ATP2B2: variants seen among roughly 807,000 people sequenced by gnomAD.
ATP2B2 encodes the protein ATPase plasma membrane Ca2+ transporting 2.
In ATP2B2, 15 loss-of-function variants were observed where a neutral mutation model predicts 120.0. That is an observed-to-expected ratio of 0.12 (90% confidence interval 0.08 to 0.19). ATP2B2 has a LOEUF of 0.19. Ranked by LOEUF, ATP2B2 falls within the 10% of genes least tolerant of loss-of-function variation. ATP2B2 has a pLI of 1.00. For synonymous variants in ATP2B2, 694 were observed against 700.3 expected (o/e 0.99, Z 0.14); for missense variants, 1,045 against 1,719.8 (o/e 0.61, Z 6.94).
At chr3:10,404,138 C>T (rs1055153963) in intron 3 of ATP2B2, among the ~76,000 whole-genome samples, 2 of 152,086 alleles carry the variant, frequency 1.3e-5, no homozygotes, top group African/African-American at 4.8e-5. Context: ...CTGCATGCAC[C>T]CCTGGAAAAT....
intron 3 of ATP2B2, among the ~76,000 whole-genome samples, chr3:10,407,450 T>A (rs1193197873): frequency 1.3e-5 from 2 of 152,220 alleles, no homozygotes; most frequent in Non-Finnish European, 2.9e-5. Flanking sequence ...CCTTCCTTCC[T>A]TCTGCTGACA....
chr3:10,370,292 G>A (rs917081670), intron 12 of ATP2B2, among the ~76,000 whole-genome samples: 4 of 152,264 alleles, frequency 2.6e-5, no homozygotes, highest in African/African-American at 4.8e-5. Context: ...CCACATGGCT[G>A]AAGCCCGTTC....
intron 2 of ATP2B2, among the ~76,000 whole-genome samples, chr3:10,436,779 A>C (rs1318342796): frequency 6.6e-6 from 1 of 152,184 alleles, no homozygotes; most frequent in Non-Finnish European, 1.5e-5. Context: ...CGACATCGGC[A>C]CACAGGCAGA....
At chr3:10,661,277 G>A (rs963482191) in intron 1 of ATP2B2, among the ~76,000 whole-genome samples, 4 of 152,092 alleles carry the variant, frequency 2.6e-5, no homozygotes, top group East Asian at 1.9e-4. Flanking sequence ...GAAATAAAGG[G>A]TATTCAATTA....
intron 3 of ATP2B2, among the ~76,000 whole-genome samples, chr3:10,514,193 C>T (rs1299024581): frequency 6.6e-6 from 1 of 152,182 alleles, no homozygotes; most frequent in Non-Finnish European, 1.5e-5. Flanking sequence ...CAGCTGGCTC[C>T]TTAGTCCCTG....
chr3:10,588,622 C>G (rs1037425690), intron 2 of ATP2B2, among the ~76,000 whole-genome samples: 2 of 152,178 alleles, frequency 1.3e-5, no homozygotes, highest in South Asian at 2.1e-4. Context: ...TGGAGGGAAG[C>G]ATGGATCTCT....
chr3:10,505,897 G>A (rs1216007560), upstream of ATP2B2, among the ~76,000 whole-genome samples: 1 of 152,040 alleles, frequency 6.6e-6, no homozygotes, highest in Non-Finnish European at 1.5e-5. Flanking sequence ...CCAGGAATAT[G>A]CCCGCTCCCC....
At position 10,388,273 on chromosome 3, in the gene ATP2B2, T is replaced by A; in HGVS notation, c.907+4A>T. On this transcript the variant is annotated splice_donor_region_variant and intron_variant, in intron 6 of 22. Transcript: ENST00000360273. The stretch of plus-strand genomic sequence containing the variant: ...CTCCTGGTCTGCAAGGGGATTAGGC[T>A]TACCTTTTTTGTCTTTCTTCTCTTC... 6.2e-7 allele frequency: 1 copy of A among 1,614,130 alleles called. No homozygotes were observed.
intron 2 of ATP2B2, among the ~76,000 whole-genome samples, chr3:10,415,131 C>G (rs575740349): frequency 3.3e-4 from 50 of 152,318 alleles, no homozygotes; most frequent in Non-Finnish European, 6.2e-4. Context: ...AATCCCAGCT[C>G]TGGGTGACCT....
intron 9 of ATP2B2, among the ~76,000 whole-genome samples, chr3:10,378,947 C>A (rs943909517): frequency 6.6e-6 from 1 of 152,228 alleles, no homozygotes; most frequent in African/African-American, 2.4e-5. Flanking sequence ...AGAGACTGAG[C>A]CAAACTCCCT....
chr3:10,385,440 A>T, intron 7 of ATP2B2, 113 bp from the exon 8 acceptor site: 2 of 909,940 alleles, frequency 2.2e-6, no homozygotes, highest in Non-Finnish European at 3.4e-6. Flanking sequence ...CTTAAAAAAA[A>T]AAATTATCCT....
intron 1 of ATP2B2, among the ~76,000 whole-genome samples, chr3:10,656,889 A>G (rs543971229): frequency 4.6e-5 from 7 of 152,360 alleles, no homozygotes; most frequent in African/African-American, 1.2e-4. Flanking sequence ...AGCAAATGCT[A>G]AGGCCCTGGG....
chr3:10,514,149 C>T (rs1007364661), intron 3 of ATP2B2, among the ~76,000 whole-genome samples: 6 of 152,150 alleles, frequency 3.9e-5, no homozygotes, highest in African/African-American at 1.4e-4. Flanking sequence ...CAAAGTTGTC[C>T]AGCTGGTAAG....
intron 2 of ATP2B2, among the ~76,000 whole-genome samples, chr3:10,425,867 C>T (rs2063131071): frequency 6.6e-6 from 1 of 152,220 alleles, no homozygotes; most frequent in Non-Finnish European, 1.5e-5. Context: ...GCCAGAGGGA[C>T]ATTTCAAATG....
intron 14 of ATP2B2, among the ~76,000 whole-genome samples, chr3:10,354,976 A>G (rs147624706): frequency 8.5e-5 from 13 of 152,304 alleles, no homozygotes; most frequent in Non-Finnish European, 1.3e-4. Context: ...CACGGCCACC[A>G]TAAGCACACA....
At chr3:10,507,553 C>T (rs948878169), upstream of ATP2B2, among the ~76,000 whole-genome samples, 3 of 152,196 alleles carry the variant, frequency 2.0e-5, no homozygotes, top group Non-Finnish European at 4.4e-5. Context: ...CCCATTGCAC[C>T]TCCCATCTGT....
intron 2 of ATP2B2, among the ~76,000 whole-genome samples, chr3:10,550,794 C>T (rs1219708467): frequency 1.3e-5 from 2 of 152,170 alleles, no homozygotes; most frequent in East Asian, 1.9e-4. Flanking sequence ...GTAGGAAATC[C>T]ATGCCGGGTG....
In ATP2B2 at chr3:10,455,833, C is replaced by CT. The variant is rs1412374380; in HGVS notation, c.-319-5972dup. Among the ~76,000 whole-genome samples the CT allele has an allele frequency of 9.8e-5, 15 of 152,336 alleles. No homozygotes were observed. The East Asian group carries it at 2.9e-3, about 29-fold the overall frequency. ...CAGTGGTGTGACCCTGAGCAAGCCC[C>CT]TTTCTTCTCTGGGCCTCAGTTTCCC... On this transcript the variant is annotated intron_variant, in intron 1 of 22. Transcript: ENST00000360273.
At chr3:10,548,840 C>T (rs1252143583) in intron 2 of ATP2B2, among the ~76,000 whole-genome samples, 1 of 152,206 alleles carries the variant, frequency 6.6e-6, no homozygotes, top group Non-Finnish European at 1.5e-5. Context: ...GAGAAAATGA[C>T]TTTCCCAGCG....
Sources: gnomAD v4.1 joint callset for allele counts (sites outside exome capture counted in the v4.1 genomes callset) on GRCh38, gnomAD v4.1.1 for gene constraint, MANE v1.5 for transcripts, NCBI Gene and HGNC (gene_info 2026-07-23, HGNC 2026-07-21) for gene names.